Variants in BANF2 observed in about 807,000 individuals in gnomAD.
The protein encoded by BANF2 is BANF family member 2.
BANF2 carries 4 observed loss-of-function variants against 8.0 expected under a neutral mutation model. That is an observed-to-expected ratio of 0.50 (90% CI 0.25 to 1.14). BANF2 has a LOEUF of 1.14. BANF2 is among the 50% of genes most tolerant of loss of function. The probability of loss-of-function intolerance (pLI) is 0.16; values close to 1 mark genes in which losing one functional copy is unlikely to be tolerated. For missense variants in BANF2, 96 were observed against 107.5 expected, an observed-to-expected ratio of 0.89 and a Z score of 0.47; for synonymous variants, 50 against 40.6, an observed-to-expected ratio of 1.23 and a Z score of -0.88.
At chr20:17,717,016 C>T (rs1311979680) in intron 1 of BANF2, among the ~76,000 whole-genome samples, 1 of 152,106 alleles carries the variant, frequency 6.6e-6, no homozygotes, top group Non-Finnish European at 1.5e-5. Context: ...GGCACCAGGC[C>T]AGCCACCCTC....
chr20:17,734,015 A>T, intron 3 of BANF2, among the ~76,000 whole-genome samples: 1 of 152,178 alleles, frequency 6.6e-6, no homozygotes, highest in East Asian at 1.9e-4. Context: ...CAGGCTGGAG[A>T]GCCCCCAAAA....
At chr20:17,731,988 C>G (rs1320581759) in intron 3 of BANF2, among the ~76,000 whole-genome samples, 2 of 151,622 alleles carry the variant, frequency 1.3e-5, no homozygotes, top group Non-Finnish European at 2.9e-5. Flanking sequence ...ATCGCTTGAA[C>G]CTGGGATGCA....
intron 2 of BANF2, 22 bp downstream of exon 2, chr20:17,722,900 G>A: frequency 1.0e-6 from 1 of 981,156 alleles, no homozygotes; most frequent in Non-Finnish European, 1.2e-6. Context: ...GATGGGGACA[G>A]GAGAGGGGAT....
rs1273487012 is a variant in BANF2 at position 17,735,790 on chromosome 20, G to A, written c.252G>A (p.Glu84=). 6 of 1,613,770 alleles carry A rather than the reference G, an allele frequency of 3.7e-6. No individual in the cohort carries two copies. In the East Asian group the frequency reaches 1.3e-4, roughly 36 times the overall value. Residue 84 remains glutamate, a synonymous_variant, in exon 4 of 4, where the codon GAG becomes GAA. Coordinates refer to ENST00000246090, the MANE Select transcript of BANF2 (RefSeq NM_178477.5). ...EAQQTSHCLK[E]WCACFL is the part of the protein sequence containing the mutation. ...AGCAGACTTCTCACTGCCTCAAGGA[G>A]TGGTGTGCCTGCTTCCTGTAGACAC... is the stretch of plus-strand genomic sequence containing the variant.
intron 1 of BANF2, among the ~76,000 whole-genome samples, chr20:17,711,264 C>T (rs1368368744): frequency 6.6e-6 from 1 of 151,650 alleles, no homozygotes; most frequent in African/African-American, 2.4e-5. Flanking sequence ...TCCCCCGGGG[C>T]CCCCCTCCAG....
chr20:17,732,704 G>A (rs2037917759), intron 3 of BANF2, among the ~76,000 whole-genome samples: 1 of 152,144 alleles, frequency 6.6e-6, no homozygotes, highest in South Asian at 2.1e-4. Context: ...CCCTGGCTTG[G>A]CCATGGCCAC....
chr20:17,694,978 T>C (rs2037333918), upstream of BANF2, among the ~76,000 whole-genome samples: 2 of 152,010 alleles, frequency 1.3e-5, no homozygotes, highest in African/African-American at 2.4e-5. Flanking sequence ...AAACTGATTA[T>C]ATAGATAAGA....
chr20:17,703,852 A>G (rs1273695397), intron 1 of BANF2, among the ~76,000 whole-genome samples: 3 of 150,050 alleles, frequency 2.0e-5, no homozygotes, highest in Non-Finnish European at 4.4e-5. Flanking sequence ...GGTTCAAGCG[A>G]TTCTCCTGCC....
At chr20:17,725,237 C>T (rs2037790264) in intron 3 of BANF2, 86 bp downstream of exon 3, 1 of 1,478,878 alleles carries the variant, frequency 6.8e-7, no homozygotes, top group South Asian at 1.2e-5. Flanking sequence ...TGCCACGTGT[C>T]CCTGTGAAGG....
At chr20:17,715,381 T>C (rs1642246638) in intron 1 of BANF2, among the ~76,000 whole-genome samples, 1 of 152,188 alleles carries the variant, frequency 6.6e-6, no homozygotes, top group Non-Finnish European at 1.5e-5. Flanking sequence ...TGCACACAGA[T>C]GGCACTCAGT....
chr20:17,696,505 T>C (rs1414947260), upstream of BANF2, among the ~76,000 whole-genome samples: 1 of 152,236 alleles, frequency 6.6e-6, no homozygotes, highest in African/African-American at 2.4e-5. Context: ...ATATTAGCCA[T>C]TCTGGTGGGC....
intron 1 of BANF2, among the ~76,000 whole-genome samples, chr20:17,718,341 A>T (rs2037684647): frequency 6.6e-6 from 1 of 152,108 alleles, no homozygotes; most frequent in Admixed American, 6.5e-5. Flanking sequence ...AGTAGCTGGG[A>T]TTACAGGCGC....
upstream of BANF2, among the ~76,000 whole-genome samples, chr20:17,698,236 A>G (rs2037367350): frequency 6.6e-6 from 1 of 151,986 alleles, no homozygotes; most frequent in Admixed American, 6.6e-5. Context: ...ATAAAAAAAA[A>G]AGGTGTGTGG....
intron 1 of BANF2, among the ~76,000 whole-genome samples, chr20:17,694,601 CT>C (rs869067650): frequency 0.091 from 2,429 of 26,690 alleles, 5 homozygotes; most frequent in African/African-American, 0.098. Context: ...TTTTCTCTCT[CT>C]TTTTTTTTTT....
intron 1 of BANF2, among the ~76,000 whole-genome samples, chr20:17,704,943 C>A (rs1045246946): frequency 8.5e-5 from 13 of 152,194 alleles, no homozygotes; most frequent in African/African-American, 2.7e-4. Flanking sequence ...CCACTTCTTG[C>A]CTAATCTTTC....
At chr20:17,730,806 G>C (rs1186078534) in intron 3 of BANF2, among the ~76,000 whole-genome samples, 3 of 152,250 alleles carry the variant, frequency 2.0e-5, no homozygotes, top group African/African-American at 7.2e-5. Flanking sequence ...GTGCTCCACT[G>C]CCTGATGTCT....
chr20:17,722,035 A>G (rs2037738016), intron 1 of BANF2, among the ~76,000 whole-genome samples: 1 of 152,198 alleles, frequency 6.6e-6, no homozygotes, highest in Non-Finnish European at 1.5e-5. Flanking sequence ...GTGTCTCTGG[A>G]CATTACCAGT....
rs932975517 is a variant in BANF2, at chr20:17,700,026, C to T, written c.-196C>T. ...ATCCAAGGTGACTGAGACAAACTGCCAGCTGCCACTGGCTTATCAGGAGCA... is the reference window on the plus strand; with the variant it reads ...ATCCAAGGTGACTGAGACAAACTGCTAGCTGCCACTGGCTTATCAGGAGCA... On this transcript the variant is annotated 5_prime_UTR_variant, in exon 1 of 4. Coordinates refer to ENST00000246090, the MANE Select transcript of BANF2 (RefSeq NM_178477.5). The T allele has an allele frequency of 1.1e-5, 11 of 985,026 alleles. No homozygotes were observed. The highest frequency in any genetic ancestry group is 4.7e-5 in the South Asian group (1 of 21,270). The allele number at this position is 985,026 out of a possible 1,614,324, so 61.0% of individuals were successfully genotyped here.
At chr20:17,718,217 T>C (rs1443983524) in intron 1 of BANF2, among the ~76,000 whole-genome samples, 1 of 152,174 alleles carries the variant, frequency 6.6e-6, no homozygotes, top group Non-Finnish European at 1.5e-5. Context: ...TTTTTGTTTT[T>C]GTTTTGAGAT....
Sources: allele counts gnomAD v4.1 joint callset (sites outside exome capture counted in the v4.1 genomes callset), GRCh38; gene constraint gnomAD v4.1.1; transcripts MANE v1.5; gene names NCBI Gene and HGNC (gene_info 2026-07-23, HGNC 2026-07-21).